The following CADPS2 variants were observed in gnomAD, a reference collection of about 807,000 sequenced individuals.
CADPS2 encodes the protein calcium-dependent secretion activator 2.
A neutral mutation model predicts 172.5 loss-of-function variants in CADPS2; 93 were observed. The observed-to-expected ratio is 0.54, with a 90% CI of 0.46 to 0.64. The LOEUF is 0.64. Among genes scored for constraint, CADPS2 ranks in the 30% least tolerant of loss-of-function variants. The pLI, the probability that CADPS2 is intolerant of heterozygous loss-of-function variation, is 0.00. For missense variants in CADPS2, 1,420 were observed against 1,565.9 expected, an observed-to-expected ratio of 0.91 and a Z score of 1.57; for synonymous variants, 546 against 555.2, an observed-to-expected ratio of 0.98 and a Z score of 0.23.
rs2069611216 is a variant in CADPS2, at chr7:122,585,953, TAAGTA to T, written c.1224-4668_1224-4664del. 2.0e-5 allele frequency among the ~76,000 whole-genome samples: 3 copies of T among 152,050 alleles called. No individual in the cohort carries two copies. In the South Asian group the frequency reaches 6.2e-4, roughly 32 times the overall value. ...AGGACTTATCCTATCAAAATAATTG[TAAGTA>T]TTAAAAAGAGTCTAAGCAGAAACAT... On this transcript the variant is annotated intron_variant, in intron 6 of 29. Coordinates refer to ENST00000449022, the MANE Select transcript of CADPS2 (RefSeq NM_017954.11).
intron 2 of CADPS2, chr7:122,702,933 T>C (rs930480016): frequency 3.7e-6 from 2 of 537,302 alleles, no homozygotes; most frequent in Non-Finnish European, 6.6e-6. Flanking sequence ...ATCTTTCTCA[T>C]AATGAAACAA....
At chr7:122,789,786 C>G (rs988522965) in intron 1 of CADPS2, among the ~76,000 whole-genome samples, 1 of 152,136 alleles carries the variant, frequency 6.6e-6, no homozygotes, top group Non-Finnish European at 1.5e-5. Context: ...ACATAACACA[C>G]TGTTTAGAAA....
chr7:122,592,569 CAA>C (rs1350325485), intron 6 of CADPS2, among the ~76,000 whole-genome samples: 1 of 152,008 alleles, frequency 6.6e-6, no homozygotes, highest in African/African-American at 2.4e-5. Context: ...TTCACAATAG[CAA>C]AGACTTGGAA....
At chr7:122,513,899 T>C (rs1413288464) in intron 8 of CADPS2, among the ~76,000 whole-genome samples, 3 of 152,216 alleles carry the variant, frequency 2.0e-5, no homozygotes, top group African/African-American at 7.2e-5. Context: ...AGCATCTCAC[T>C]GCAAATGTTT....
chr7:122,566,111 G>A (rs1244677307), intron 7 of CADPS2, among the ~76,000 whole-genome samples: 1 of 152,134 alleles, frequency 6.6e-6, no homozygotes, highest in Non-Finnish European at 1.5e-5. Flanking sequence ...GATTTCTTCA[G>A]TTTTTAAGGC....
chr7:122,529,506 C>T (rs1158990604), intron 8 of CADPS2, among the ~76,000 whole-genome samples: 1 of 151,932 alleles, frequency 6.6e-6, no homozygotes, highest in Non-Finnish European at 1.5e-5. Flanking sequence ...AGGAACAATA[C>T]TAATTAATAG....
intron 7 of CADPS2, among the ~76,000 whole-genome samples, chr7:122,570,122 C>T (rs1347779167): frequency 1.3e-5 from 2 of 148,870 alleles, no homozygotes; most frequent in African/African-American, 5.0e-5. Flanking sequence ...AAAATTTTCG[C>T]AACCTACTCA....
At chr7:122,337,630 A>G (rs559774715) in intron 28 of CADPS2, among the ~76,000 whole-genome samples, 73 of 152,310 alleles carry the variant, frequency 4.8e-4, no homozygotes, top group Admixed American at 4.1e-3. Flanking sequence ...ATACATCAAA[A>G]GTTGATCCTT....
chr7:122,341,282 T>C (rs539229029), intron 28 of CADPS2, among the ~76,000 whole-genome samples: 5 of 152,348 alleles, frequency 3.3e-5, no homozygotes, highest in South Asian at 2.1e-4. Flanking sequence ...TGTTTTCACA[T>C]GGCTATCACA....
intron 26 of CADPS2, 36 bp from the exon 27 acceptor site, chr7:122,360,856 AT>A (rs202173368): frequency 6.9e-6 from 11 of 1,586,086 alleles, no homozygotes; most frequent in Non-Finnish European, 9.4e-6. Flanking sequence ...CATGAGAATT[AT>A]TTTTTTAACT....
intron 1 of CADPS2, among the ~76,000 whole-genome samples, chr7:122,835,447 G>C (rs187654532): frequency 9.8e-5 from 15 of 152,336 alleles, no homozygotes; most frequent in African/African-American, 3.4e-4. Context: ...TGACTTTGAC[G>C]AGTTGAGAGA....
intron 1 of CADPS2, among the ~76,000 whole-genome samples, chr7:122,816,672 T>C (rs1001889438): frequency 1.1e-4 from 16 of 152,222 alleles, no homozygotes; most frequent in Non-Finnish European, 2.2e-4. Context: ...GAGTTCCCCT[T>C]TCTCCATGTC....
At chr7:122,447,574 GAC>G (rs1472996260) in intron 15 of CADPS2, among the ~76,000 whole-genome samples, 5 of 53,470 alleles carry the variant, frequency 9.4e-5, no homozygotes, top group East Asian at 8.3e-4. Flanking sequence ...TTTTTTTTGA[GAC>G]ACAGTGTCAC....
intron 6 of CADPS2, among the ~76,000 whole-genome samples, chr7:122,602,866 T>C (rs914997554): frequency 4.6e-5 from 7 of 152,098 alleles, no homozygotes; most frequent in African/African-American, 1.2e-4. Context: ...CACGTGTCAG[T>C]TGCAGAGGAA....
chr7:122,652,271 C>T (rs559071105), intron 3 of CADPS2, among the ~76,000 whole-genome samples: 28 of 152,174 alleles, frequency 1.8e-4, no homozygotes, highest in Middle Eastern at 3.4e-3. Context: ...ATATGCTCTG[C>T]ATGATTATAG....
chr7:122,616,914 TACC>T (rs2074990568), intron 5 of CADPS2, among the ~76,000 whole-genome samples: 1 of 152,204 alleles, frequency 6.6e-6, no homozygotes, highest in African/African-American at 2.4e-5. Flanking sequence ...CACTTGGACT[TACC>T]ACCATTTCTC....
intron 9 of CADPS2, among the ~76,000 whole-genome samples, chr7:122,500,672 G>C (rs183701478): frequency 1.3e-4 from 20 of 152,064 alleles, no homozygotes; most frequent in Middle Eastern, 3.4e-3. Flanking sequence ...TTATAAGAAA[G>C]CCATCAAAAT....
intron 20 of CADPS2, among the ~76,000 whole-genome samples, chr7:122,397,674 G>C (rs1271368956): frequency 2.0e-5 from 3 of 152,084 alleles, no homozygotes; most frequent in African/African-American, 7.3e-5. Context: ...TTAATATGTA[G>C]CCTGAGGCAT....
intron 2 of CADPS2, among the ~76,000 whole-genome samples, chr7:122,701,020 G>A (rs1196733871): frequency 6.6e-6 from 1 of 151,946 alleles, no homozygotes. Flanking sequence ...GAGAATCAGA[G>A]ATATAAATTA....
Sources: allele counts gnomAD v4.1 joint callset (sites outside exome capture counted in the v4.1 genomes callset), GRCh38; gene constraint gnomAD v4.1.1; transcripts MANE v1.5; gene names NCBI Gene and HGNC (gene_info 2026-07-23, HGNC 2026-07-21).